The following MARK4 variants were observed in gnomAD, a reference collection of about 807,000 sequenced individuals.
MARK4 encodes the protein MAP/microtubule affinity-regulating kinase 4.
In MARK4, 19 loss-of-function variants were observed where a neutral mutation model predicts 81.5. The observed-to-expected ratio is 0.23, with a 90% confidence interval of 0.16 to 0.34. The LOEUF (loss-of-function observed/expected upper bound fraction) is 0.34. Among genes scored for constraint, MARK4 ranks in the 10% least tolerant of loss-of-function variants. MARK4 has a pLI of 1.00. For missense variants in MARK4, 772 were observed against 1,058.8 expected, an observed-to-expected ratio of 0.73 and a Z score of 3.76; for synonymous variants, 436 against 439.0, an observed-to-expected ratio of 0.99 and a Z score of 0.08.
chr19:45,273,133 CTT>C (rs796309964), intron 8 of MARK4, among the ~76,000 whole-genome samples: 1 of 144,698 alleles, frequency 6.9e-6, no homozygotes. Flanking sequence ...TTGTTGCTTG[CTT>C]TTTTTTTTTC....
At chr19:45,269,846 A>G (rs558664119) in intron 7 of MARK4, among the ~76,000 whole-genome samples, 4 of 152,130 alleles carry the variant, frequency 2.6e-5, no homozygotes, top group South Asian at 2.1e-4. Flanking sequence ...CAAAACGTTT[A>G]TTTATTTATT....
chr19:45,287,403 G>A, intron 12 of MARK4, 44 bp from the exon 13 acceptor site: 1 of 1,330,266 alleles, frequency 7.5e-7, no homozygotes, highest in East Asian at 2.6e-5. Flanking sequence ...TCAGTTCTGG[G>A]TTTCCGTGGT....
chr19:45,265,682 G>T (rs1174713900), intron 6 of MARK4, among the ~76,000 whole-genome samples: 3 of 150,366 alleles, frequency 2.0e-5, no homozygotes, highest in Non-Finnish European at 4.4e-5. Flanking sequence ...GGGGTAAGAG[G>T]AGTTGTGGGT....
In MARK4 at chr19:45,299,485, G is replaced by A. The variant is rs551539849; in HGVS notation, c.1878-326G>A. Among the ~76,000 whole-genome samples, 27 of 152,272 alleles carry A rather than the reference G, an allele frequency of 1.8e-4. No individual in the cohort carries two copies. The South Asian group carries it at 4.8e-3, about 27-fold the overall frequency. On this transcript the variant is annotated intron_variant, in intron 15 of 16. Coordinates refer to ENST00000262891, the MANE Select transcript of MARK4 (RefSeq NM_001199867.2). ...GCAAAGCATGAATGTATATGTGAGCGAGGGAGTGTGTGTGTGTGCACACGT... is the reference window on the plus strand; with the variant it reads ...GCAAAGCATGAATGTATATGTGAGCAAGGGAGTGTGTGTGTGTGCACACGT...
At chr19:45,251,760 C>G in intron 1 of MARK4, 121 bp downstream of exon 1, 1 of 880,682 alleles carries the variant, frequency 1.1e-6, no homozygotes, top group South Asian at 1.7e-5. Context: ...CCCGGCTCGT[C>G]ACCTCTCGAC....
In MARK4 at chr19:45,251,298, C is replaced by G. The variant is rs1396294101; in HGVS notation, c.-291C>G. The G allele has an allele frequency of 6.7e-6, 1 of 149,230 alleles. No individual in the cohort carries two copies. Among genetic ancestry groups the G allele is most frequent in the Non-Finnish European group, 1.5e-5 (1 of 67,768 alleles). 9.2% of individuals were successfully genotyped at this position (149,230 alleles called of 1,614,324 possible). A position where few individuals can be genotyped will look rare whatever the true frequency, so the allele number is the denominator to read the frequency against. On this transcript the variant is annotated 5_prime_UTR_variant, in exon 1 of 17. Coordinates refer to ENST00000262891, the MANE Select transcript of MARK4 (RefSeq NM_001199867.2). Reference sequence around the variant, plus strand: ...CCCTCCCCAGCCCCTCCACCGCCTCCCTCCGCCGCCGCTTGGGCCGGCTCC... The same window carrying G: ...CCCTCCCCAGCCCCTCCACCGCCTCGCTCCGCCGCCGCTTGGGCCGGCTCC...
chr19:45,260,115 C>T (rs970226230), intron 2 of MARK4, among the ~76,000 whole-genome samples: 8 of 151,672 alleles, frequency 5.3e-5, no homozygotes, highest in African/African-American at 1.5e-4. Context: ...AAAGGCCGTG[C>T]GCGGTGGCTC....
At chr19:45,263,465 G>C in intron 4 of MARK4, 98 bp downstream of exon 4, 1 of 1,478,274 alleles carries the variant, frequency 6.8e-7, no homozygotes, top group Non-Finnish European at 9.4e-7. Flanking sequence ...AGACCCACCA[G>C]GCGCAGTGGC....
At position 45,277,209 on chromosome 19, in the gene MARK4, C is replaced by T. The variant is rs11666122; in HGVS notation, c.787-714C>T. Among the ~76,000 whole-genome samples the T allele has an allele frequency of 9.3e-4, 142 of 152,136 alleles. 2 individuals carry two copies. The highest frequency in any genetic ancestry group is 1.8e-3 in the Admixed American group (28 of 15,262). On this transcript the variant is annotated intron_variant, in intron 8 of 16. Transcript: ENST00000262891. ...TCTCGTGCCTCAGCCTCCCAAGTAG[C>T]TAGGACTACAGGCAGCCACCACCAC...
At chr19:45,257,102 A>G (rs1468058615) in intron 1 of MARK4, among the ~76,000 whole-genome samples, 4 of 151,492 alleles carry the variant, frequency 2.6e-5, no homozygotes, top group Non-Finnish European at 5.9e-5. Context: ...CTATAGGCAT[A>G]TGCCACCATG....
rs769206101 is a variant in MARK4, at chr19:45,277,659, C to G, written c.787-264C>G. On this transcript the variant is annotated intron_variant, in intron 8 of 16. Coordinates refer to ENST00000262891, the MANE Select transcript of MARK4 (RefSeq NM_001199867.2). Reference sequence around the variant, plus strand: ...AGCGATCCTCCGGTCTTGGCCTCTACGCCTGGCCAAGAATTTTTTTTTTTA... The same window carrying G: ...AGCGATCCTCCGGTCTTGGCCTCTAGGCCTGGCCAAGAATTTTTTTTTTTA... 2.6e-5 allele frequency among the ~76,000 whole-genome samples: 4 copies of G among 151,938 alleles called. No individual in the cohort carries two copies. The South Asian group carries it at 8.3e-4, about 32-fold the overall frequency.
At chr19:45,259,259 G>C in intron 2 of MARK4, 70 bp downstream of exon 2, 1 of 1,553,058 alleles carries the variant, frequency 6.4e-7, no homozygotes, top group South Asian at 1.2e-5. Flanking sequence ...TATGTTGATA[G>C]AGGTCAGGAT....
chr19:45,265,668 G>T (rs181510381), intron 6 of MARK4, among the ~76,000 whole-genome samples: 1 of 150,694 alleles, frequency 6.6e-6, no homozygotes, highest in African/African-American at 2.4e-5. Flanking sequence ...AGGTGCCCAG[G>T]TGTGGGGTAA....
chr19:45,299,916 CACTT>C, intron 16 of MARK4, 61 bp downstream of exon 16: 3 of 1,523,786 alleles, frequency 2.0e-6, no homozygotes, highest in East Asian at 2.4e-5. Flanking sequence ...CACCTCCCGA[CACTT>C]ACCCCAGGGC....
chr19:45,258,760 G>A (rs1351964861), intron 1 of MARK4: 4 of 547,032 alleles, frequency 7.3e-6, no homozygotes, highest in Admixed American at 6.9e-5. Flanking sequence ...GGTTGAAGAA[G>A]GGGTGTGATG....
intron 12 of MARK4, among the ~76,000 whole-genome samples, chr19:45,283,599 TG>T (rs1970705293): frequency 6.6e-6 from 1 of 152,184 alleles, no homozygotes; most frequent in African/African-American, 2.4e-5. Flanking sequence ...ATCCATGATA[TG>T]GGTATCAGCA....
intron 2 of MARK4, among the ~76,000 whole-genome samples, 199 bp downstream of exon 2, chr19:45,259,388 C>T (rs1054103838): frequency 2.0e-5 from 3 of 152,190 alleles, no homozygotes; most frequent in African/African-American, 7.2e-5. Flanking sequence ...TTTCATGTAT[C>T]CCTGAAATTG....
chr19:45,269,350 A>T (rs1462675342), intron 7 of MARK4, among the ~76,000 whole-genome samples: 1 of 152,120 alleles, frequency 6.6e-6, no homozygotes, highest in Admixed American at 6.6e-5. Flanking sequence ...CTGCACTCCA[A>T]CCTGGGTGAC....
rs779251525 is a variant in MARK4, at chr19:45,277,909, C to T, written c.787-14C>T. On this transcript the variant is annotated splice_polypyrimidine_tract_variant and intron_variant, in intron 8 of 16. Transcript: ENST00000262891. ...CGGGGCAGACCCCCTCCTCCAGTAACCCCATCCCTGCAGGAGCTGCGGGAG... is the reference window on the plus strand; with the variant it reads ...CGGGGCAGACCCCCTCCTCCAGTAATCCCATCCCTGCAGGAGCTGCGGGAG... The T allele has an allele frequency of 6.2e-7, 1 of 1,609,680 alleles. No individual in the cohort carries two copies. Among genetic ancestry groups the T allele is most frequent in the Non-Finnish European group, 8.5e-7 (1 of 1,178,074 alleles).
Sources: gnomAD v4.1 joint callset for allele counts (sites outside exome capture counted in the v4.1 genomes callset) on GRCh38, gnomAD v4.1.1 for gene constraint, MANE v1.5 for transcripts, NCBI Gene and HGNC (gene_info 2026-07-23, HGNC 2026-07-21) for gene names.